CHSY3: variants seen among roughly 807,000 people sequenced by gnomAD.
The protein encoded by CHSY3 is N-acetylgalactosaminyl-proteoglycan 3-beta-glucuronosyltransferase 3.
A neutral mutation model predicts 67.2 loss-of-function variants in CHSY3; 35 were observed. The observed-to-expected ratio is 0.52, with a 90% CI of 0.40 to 0.69. The LOEUF is 0.69. Among genes scored for constraint, CHSY3 ranks in the 30% least tolerant of loss-of-function variants. The pLI is 0.00. For missense variants in CHSY3, 1,069 were observed against 1,138.5 expected, an observed-to-expected ratio of 0.94 and a Z score of 0.88; for synonymous variants, 474 against 434.7, an observed-to-expected ratio of 1.09 and a Z score of -1.12.
At chr5:130,055,693 G>A (rs1213549104) in intron 2 of CHSY3, among the ~76,000 whole-genome samples, 1 of 151,926 alleles carries the variant, frequency 6.6e-6, no homozygotes, top group Admixed American at 6.6e-5. Context: ...GAGAACAACA[G>A]CAGCAGCAGC....
chr5:130,116,044 A>G (rs1767787185), intron 2 of CHSY3, among the ~76,000 whole-genome samples: 1 of 152,052 alleles, frequency 6.6e-6, no homozygotes, highest in South Asian at 2.1e-4. Context: ...CTCCATCCCA[A>G]AGTGACCAAC....
intron 2 of CHSY3, among the ~76,000 whole-genome samples, chr5:129,952,716 C>G (rs1441266113): frequency 6.6e-6 from 1 of 152,154 alleles, no homozygotes; most frequent in Non-Finnish European, 1.5e-5. Context: ...TAGGAAAGCA[C>G]TTTGGCATGC....
intron 2 of CHSY3, among the ~76,000 whole-genome samples, chr5:130,178,253 A>ATATATATATATTTTT (rs1205782386): frequency 4.4e-5 from 2 of 45,912 alleles, no homozygotes; most frequent in Admixed American, 4.0e-4. Context: ...ATATATATAT[A>ATATATATATATTTTT]TTTTTTTTTT....
At chr5:129,927,209 A>G (rs1448617875) in intron 2 of CHSY3, among the ~76,000 whole-genome samples, 1 of 151,750 alleles carries the variant, frequency 6.6e-6, no homozygotes, top group Non-Finnish European at 1.5e-5. Flanking sequence ...TCTGGTCTTC[A>G]TATTGTTCAG....
At chr5:130,153,233 C>T (rs535083873) in intron 2 of CHSY3, among the ~76,000 whole-genome samples, 2 of 151,834 alleles carry the variant, frequency 1.3e-5, no homozygotes, top group Non-Finnish European at 2.9e-5. Context: ...GGCAACACAG[C>T]AAGACTCTAA....
At chr5:129,968,719 A>T (rs1430144969) in intron 2 of CHSY3, among the ~76,000 whole-genome samples, 1 of 151,866 alleles carries the variant, frequency 6.6e-6, no homozygotes, top group Non-Finnish European at 1.5e-5. Context: ...AATGGTAAGC[A>T]TACTGTTACA....
intron 2 of CHSY3, among the ~76,000 whole-genome samples, chr5:130,143,249 A>G (rs1341555767): frequency 6.6e-6 from 1 of 152,094 alleles, no homozygotes; most frequent in Non-Finnish European, 1.5e-5. Context: ...GTTTGAGTTC[A>G]TCATTTGAAA....
chr5:129,979,543 C>T (rs1446793317), intron 2 of CHSY3, among the ~76,000 whole-genome samples: 2 of 152,084 alleles, frequency 1.3e-5, no homozygotes, highest in Admixed American at 6.6e-5. Context: ...GCATAGCCTC[C>T]GCATTATCAA....
At chr5:130,012,711 G>C (rs188235058) in intron 2 of CHSY3, among the ~76,000 whole-genome samples, 1 of 152,008 alleles carries the variant, frequency 6.6e-6, no homozygotes, top group African/African-American at 2.4e-5. Flanking sequence ...AAGATTCCTC[G>C]TGTGACACAG....
rs200861837 is a variant in CHSY3 at position 130,016,413 on chromosome 5, TTTA to T, written c.1086+108062_1086+108064del. ...TATTAGTAGTAGTATTTTATTTTAT[TTTA>T]TTATTATTTTTTGAGACGAAGTCTC... is the stretch of plus-strand genomic sequence containing the variant. On this transcript the variant is annotated intron_variant, in intron 2 of 2. Coordinates refer to ENST00000305031, the MANE Select transcript of CHSY3 (RefSeq NM_175856.5). 8.9e-3 allele frequency among the ~76,000 whole-genome samples: 1,361 copies of T among 152,260 alleles called. 14 individuals are homozygous for T. The highest frequency in any genetic ancestry group is 0.03 in the African/African-American group (1,261 of 41,532).
At chr5:130,010,517 A>G (rs565417724) in intron 2 of CHSY3, among the ~76,000 whole-genome samples, 1 of 152,222 alleles carries the variant, frequency 6.6e-6, no homozygotes. Flanking sequence ...CTAAGTGCAC[A>G]TTAAAAAGTT....
intron 2 of CHSY3, among the ~76,000 whole-genome samples, chr5:130,000,344 G>C (rs926062400): frequency 2.6e-5 from 4 of 152,138 alleles, no homozygotes; most frequent in African/African-American, 9.7e-5. Flanking sequence ...TTATTTGACT[G>C]TTAGTAGTGG....
intron 2 of CHSY3, among the ~76,000 whole-genome samples, chr5:130,154,578 T>A (rs1197889711): frequency 3.3e-5 from 5 of 152,238 alleles, no homozygotes; most frequent in Non-Finnish European, 7.3e-5. Flanking sequence ...ATTATTCATA[T>A]GTGTCTAGAC....
At chr5:130,179,478 A>T (rs1292056703) in intron 2 of CHSY3, among the ~76,000 whole-genome samples, 1 of 151,948 alleles carries the variant, frequency 6.6e-6, no homozygotes. Context: ...AGCTTTCCAC[A>T]GTGCCTATTT....
chr5:130,047,998 C>T lies in CHSY3; in HGVS notation c.1087-136231C>T, dbSNP rs183268695. Among the ~76,000 whole-genome samples, 42 of 150,084 alleles carry T rather than the reference C, an allele frequency of 2.8e-4. No homozygotes were observed. The East Asian group carries it at 5.6e-3, about 20-fold the overall frequency. On this transcript the variant is annotated intron_variant, in intron 2 of 2. Transcript: ENST00000305031. ...TGAATGGCTTTACCTATTTTGCACGCGTGGCTGTAAAAAAAGAAGTAAAGA... is the reference window on the plus strand; with the variant it reads ...TGAATGGCTTTACCTATTTTGCACGTGTGGCTGTAAAAAAAGAAGTAAAGA...
intron 2 of CHSY3, among the ~76,000 whole-genome samples, chr5:129,963,461 A>G (rs917095837): frequency 6.6e-6 from 1 of 152,014 alleles, no homozygotes; most frequent in Admixed American, 6.6e-5. Context: ...GACTGGTATA[A>G]CATTTAACAC....
At chr5:130,177,705 C>T (rs1770097936) in intron 2 of CHSY3, among the ~76,000 whole-genome samples, 1 of 152,144 alleles carries the variant, frequency 6.6e-6, no homozygotes, top group Admixed American at 6.6e-5. Context: ...TAAAATTTCA[C>T]AGTGGTGTGC....
intron 2 of CHSY3, among the ~76,000 whole-genome samples, chr5:129,938,966 T>A (rs1561463906): frequency 6.6e-6 from 1 of 152,184 alleles, no homozygotes. Context: ...TCTGTATTAG[T>A]CCATTCTCAC....
intron 2 of CHSY3, among the ~76,000 whole-genome samples, chr5:129,925,828 T>C (rs73785813): frequency 1.2e-3 from 175 of 152,160 alleles, no homozygotes; most frequent in African/African-American, 4.1e-3. Context: ...AAGGGAGAAA[T>C]TGTAATATTA....
Sources: gnomAD v4.1 joint callset for allele counts (sites outside exome capture counted in the v4.1 genomes callset) on GRCh38, gnomAD v4.1.1 for gene constraint, MANE v1.5 for transcripts, NCBI Gene and HGNC (gene_info 2026-07-23, HGNC 2026-07-21) for gene names.